The following MCUB variants were observed in gnomAD, a reference collection of about 807,000 sequenced individuals.
The protein encoded by MCUB is mitochondrial calcium uniporter dominant negative subunit beta, also known as calcium uniporter regulatory subunit MCUb, mitochondrial.
Under a neutral mutation model 41.4 loss-of-function variants are expected in MCUB, and 46 were observed. That is an observed-to-expected ratio of 1.11 (90% CI 0.88 to 1.42). MCUB has a LOEUF of 1.42. Ranked by LOEUF, MCUB falls within the 40% of genes most tolerant of loss-of-function variation. The pLI is 0.00. For missense variants in MCUB, 403 were observed against 404.9 expected (o/e 1.00, Z 0.04); for synonymous variants, 148 against 148.2 (o/e 1.00, Z 0.01).
At chr4:109,572,372 G>T (rs1339193234) in intron 1 of MCUB, among the ~76,000 whole-genome samples, 2 of 152,172 alleles carry the variant, frequency 1.3e-5, no homozygotes, top group Non-Finnish European at 2.9e-5. Context: ...TTTTAGGGAG[G>T]ACTTACTTTA....
chr4:109,582,581 A>G (rs1490784516), intron 1 of MCUB, among the ~76,000 whole-genome samples: 1 of 148,446 alleles, frequency 6.7e-6, no homozygotes, highest in African/African-American at 2.5e-5. Flanking sequence ...AAAAAATCCC[A>G]TTTGTCAATT....
At chr4:109,560,958 G>C (rs2126121707) in intron 1 of MCUB, 1 of 152,396 alleles carries the variant, frequency 6.6e-6, no homozygotes, top group Non-Finnish European at 1.5e-5. Context: ...TTTCCCAGAA[G>C]GAAGAAAAAC....
At chr4:109,663,244 C>G (rs1042860161) in intron 3 of MCUB, among the ~76,000 whole-genome samples, 2 of 152,162 alleles carry the variant, frequency 1.3e-5, no homozygotes, top group African/African-American at 4.8e-5. Context: ...GTGAACTATT[C>G]TGAAGGGAAA....
At position 109,587,425 on chromosome 4, in the gene MCUB, G is replaced by A. The variant is rs183423724; in HGVS notation, c.99+26989G>A. Among the ~76,000 whole-genome samples the A allele has an allele frequency of 5.8e-3, 853 of 147,074 alleles. 6 individuals carry two copies. Among genetic ancestry groups the A allele is most frequent in the African/African-American group, 0.02 (787 of 39,890 alleles). The stretch of plus-strand genomic sequence containing the variant: ...ACCCCTTGTGCTTCCCGGGTGAGGC[G>A]ATGCCCTGCCCTGATTCGGCTTGGC... On this transcript the variant is annotated intron_variant, in intron 1 of 7. Coordinates refer to ENST00000394650, the MANE Select transcript of MCUB (RefSeq NM_017918.5).
At chr4:109,667,846 G>GT (rs887148247) in intron 4 of MCUB, among the ~76,000 whole-genome samples, 2 of 150,934 alleles carry the variant, frequency 1.3e-5, no homozygotes, top group African/African-American at 4.9e-5. Context: ...TTGATAAGTT[G>GT]TATTTTCATT....
chr4:109,597,964 G>A (rs1233771972), intron 1 of MCUB, among the ~76,000 whole-genome samples: 2 of 148,842 alleles, frequency 1.3e-5, no homozygotes, highest in South Asian at 4.3e-4. Flanking sequence ...ATGGGGCGGC[G>A]GGGCAGAGGC....
intron 1 of MCUB, among the ~76,000 whole-genome samples, chr4:109,592,523 G>A (rs1727462375): frequency 6.6e-6 from 1 of 152,090 alleles, no homozygotes; most frequent in Admixed American, 6.5e-5. Context: ...CAACTCCAGT[G>A]CCACACTTAA....
In MCUB at chr4:109,653,464, A is replaced by T. The variant is rs76893650; in HGVS notation, c.100-5547A>T. The stretch of plus-strand genomic sequence containing the variant: ...TTCTTGCCAGCAATATATGAGAATT[A>T]GTTGCTTTTTGTATTCCTAGAGTTT... On this transcript the variant is annotated intron_variant, in intron 1 of 7. Transcript: ENST00000394650. Among the ~76,000 whole-genome samples the T allele has an allele frequency of 1.7e-3, 264 of 151,956 alleles. 1 individual carries two copies. Among genetic ancestry groups the T allele is most frequent in the African/African-American group, 6.2e-3 (256 of 41,464 alleles).
intron 1 of MCUB, among the ~76,000 whole-genome samples, chr4:109,630,395 G>C (rs1156872072): frequency 6.6e-6 from 1 of 152,160 alleles, no homozygotes; most frequent in East Asian, 1.9e-4. Context: ...CCAGGAGTTG[G>C]AGGCTGCAGT....
chr4:109,686,388 C>G (rs1729837359), intron 7 of MCUB, among the ~76,000 whole-genome samples: 1 of 152,198 alleles, frequency 6.6e-6, no homozygotes, highest in Admixed American at 6.5e-5. Flanking sequence ...ATCCACCTGC[C>G]TTGGCCTCCC....
At chr4:109,612,029 G>T (rs572250073) in intron 1 of MCUB, among the ~76,000 whole-genome samples, 1 of 152,296 alleles carries the variant, frequency 6.6e-6, no homozygotes, top group South Asian at 2.1e-4. Flanking sequence ...AATTGTGTTA[G>T]TCTTGTGGTG....
chr4:109,658,630 C>T (rs2107050), intron 1 of MCUB, among the ~76,000 whole-genome samples: 56,193 of 151,964 alleles, frequency 0.37, 10,719 homozygotes, highest in East Asian at 0.52. Flanking sequence ...CCAAGATGCT[C>T]CTGGTCTGGG....
At chr4:109,571,171 A>G (rs1348139354) in intron 1 of MCUB, among the ~76,000 whole-genome samples, 3 of 152,198 alleles carry the variant, frequency 2.0e-5, no homozygotes, top group Non-Finnish European at 2.9e-5. Context: ...CTAGCCCAAC[A>G]TTAGAACTTA....
intron 1 of MCUB, among the ~76,000 whole-genome samples, chr4:109,605,661 G>C (rs564471063): frequency 6.6e-6 from 1 of 152,258 alleles, no homozygotes; most frequent in Non-Finnish European, 1.5e-5. Flanking sequence ...TTTGGGGTCT[G>C]TCTCTTGTTT....
chr4:109,624,725 A>C (rs531964003), intron 1 of MCUB, among the ~76,000 whole-genome samples: 14 of 152,340 alleles, frequency 9.2e-5, no homozygotes, highest in African/African-American at 3.4e-4. Context: ...CACTATCAGC[A>C]GTGCCATTCA....
chr4:109,561,366 TC>T (rs1726631093), intron 1 of MCUB, among the ~76,000 whole-genome samples: 1 of 152,188 alleles, frequency 6.6e-6, no homozygotes, highest in South Asian at 2.1e-4. Context: ...TTTATTTTGT[TC>T]TTTTTTTTCC....
chr4:109,630,604 G>A (rs1728454667), intron 1 of MCUB, among the ~76,000 whole-genome samples: 1 of 151,908 alleles, frequency 6.6e-6, no homozygotes, highest in Admixed American at 6.6e-5. Context: ...TTTTGAGATG[G>A]ATTTTTTGCT....
chr4:109,593,924 G>T (rs1727496341), intron 1 of MCUB, among the ~76,000 whole-genome samples: 1 of 152,182 alleles, frequency 6.6e-6, no homozygotes. Flanking sequence ...TTTTCCTAGT[G>T]CTGCCTCTGT....
At chr4:109,655,315 A>G (rs1272499534) in intron 1 of MCUB, among the ~76,000 whole-genome samples, 3 of 152,208 alleles carry the variant, frequency 2.0e-5, no homozygotes, top group African/African-American at 7.2e-5. Flanking sequence ...CCAACCTGAA[A>G]ATTCGCTGAA....
Sources: allele counts gnomAD v4.1 joint callset (sites outside exome capture counted in the v4.1 genomes callset), GRCh38; gene constraint gnomAD v4.1.1; transcripts MANE v1.5; gene names NCBI Gene and HGNC (gene_info 2026-07-23, HGNC 2026-07-21).